OVCH1: variants seen among roughly 807,000 people sequenced by gnomAD.
OVCH1 encodes the protein ovochymase-1.
A neutral mutation model predicts 138.4 loss-of-function variants in OVCH1; 139 were observed. The observed-to-expected ratio is 1.00, with a 90% CI of 0.87 to 1.16. The LOEUF is 1.16. Ranked by LOEUF, OVCH1 falls within the 50% of genes most tolerant of loss-of-function variation. The pLI, the probability that OVCH1 is intolerant of heterozygous loss-of-function variation, is 0.00. For synonymous variants in OVCH1, 453 were observed against 467.8 expected (o/e 0.97, Z 0.41); for missense variants, 1,367 against 1,357.9 (o/e 1.01, Z -0.11).
At chr12:29,413,661 T>TACACACACAC (rs34675791) in intron 3 of OVCH1, among the ~76,000 whole-genome samples, 3,093 of 149,128 alleles carry the variant, frequency 0.021, 53 homozygotes, top group Non-Finnish European at 0.031. Flanking sequence ...CTGTGTGTAT[T>TACACACACAC]ACACACATAC....
At chr12:29,496,708 G>A (rs893077266) in intron 1 of OVCH1, 34 bp from the exon 2 acceptor site, 3 of 1,443,320 alleles carry the variant, frequency 2.1e-6, no homozygotes, top group Non-Finnish European at 1.9e-6. Context: ...TGCACACACA[G>A]AGCCTTATGT....
At chr12:29,413,464 G>A (rs1940987393) in intron 3 of OVCH1, among the ~76,000 whole-genome samples, 1 of 152,138 alleles carries the variant, frequency 6.6e-6, no homozygotes, top group Non-Finnish European at 1.5e-5. Context: ...GAGGAATGGG[G>A]AAGAATCACA....
intron 27 of OVCH1, chr12:29,427,728 A>G (rs1941202037): frequency 2.0e-6 from 3 of 1,507,474 alleles, no homozygotes; most frequent in East Asian, 5.0e-5. Flanking sequence ...GTGATAGCCT[A>G]GCTAACGGGG....
At chr12:29,458,234 G>A (rs182265345) in intron 19 of OVCH1, among the ~76,000 whole-genome samples, 38 of 151,956 alleles carry the variant, frequency 2.5e-4, no homozygotes, top group African/African-American at 8.4e-4. Flanking sequence ...ACCTGACTTC[G>A]AATTATATTA....
intron 15 of OVCH1, among the ~76,000 whole-genome samples, chr12:29,472,404 T>G (rs1942544696): frequency 6.6e-6 from 1 of 152,200 alleles, no homozygotes; most frequent in South Asian, 2.1e-4. Flanking sequence ...GTTCTTGTTC[T>G]CACTGTATGA....
chr12:29,415,590 C>T (rs939666153), intron 3 of OVCH1, among the ~76,000 whole-genome samples: 2 of 152,146 alleles, frequency 1.3e-5, no homozygotes, highest in Non-Finnish European at 2.9e-5. Flanking sequence ...CTTAGGTATA[C>T]ACTTAGCAAA....
At chr12:29,409,766 G>GA (rs1206176968), downstream of OVCH1, among the ~76,000 whole-genome samples, 7 of 152,136 alleles carry the variant, frequency 4.6e-5, no homozygotes, top group Non-Finnish European at 8.8e-5. Context: ...GTGTGGTGCT[G>GA]AAAAAAATGT....
exon 22 of OVCH1, chr12:29,451,493 T>C: frequency 6.2e-7 from 1 of 1,613,354 alleles, no homozygotes; most frequent in South Asian, 1.1e-5. Context: ...ATTCCAGTCT[T>C]CCTCTATAAT....
exon 22 of OVCH1, chr12:29,451,428 T>C (rs372346928): frequency 1.2e-5 from 20 of 1,613,336 alleles, no homozygotes; most frequent in Non-Finnish European, 1.4e-5. Context: ...GAGTGACAGA[T>C]ACTCAATGGT....
chr12:29,494,837 G>A (rs1943369859), intron 4 of OVCH1, among the ~76,000 whole-genome samples: 1 of 152,160 alleles, frequency 6.6e-6, no homozygotes, highest in Non-Finnish European at 1.5e-5. Context: ...GGAGGATGAA[G>A]TGGGGTTGAT....
Position 29,479,123 on chromosome 12 carries a change from C to T in OVCH1, c.996-215G>A, listed in dbSNP as rs187714491. On this transcript the variant is annotated intron_variant, in intron 8 of 27. Transcript: ENST00000318184. ...GCAATAGAACATTGTGAGAAAAATT[C>T]GTGCTCAAATTAATAACATTTATCT... Among the ~76,000 whole-genome samples, 900 of 152,236 alleles carry T rather than the reference C, an allele frequency of 5.9e-3. 15 individuals are homozygous for T. The highest frequency in any genetic ancestry group is 0.012 in the African/African-American group (486 of 41,554).
At chr12:29,467,941 G>A (rs878837) in intron 16 of OVCH1, among the ~76,000 whole-genome samples, 30,004 of 151,508 alleles carry the variant, frequency 0.2, 3,653 homozygotes, top group African/African-American at 0.35. Context: ...TTACACCAGC[G>A]TATGAGCACA....
At chr12:29,431,179 G>A (rs1044479367) in intron 27 of OVCH1, among the ~76,000 whole-genome samples, 2 of 152,192 alleles carry the variant, frequency 1.3e-5, no homozygotes, top group Non-Finnish European at 2.9e-5. Flanking sequence ...GTTCACGCCT[G>A]TAATTCCAGC....
At chr12:29,405,034 A>AAAAAAC in the OVCH1 span, among the ~76,000 whole-genome samples, 1 of 144,142 alleles carries the variant, frequency 6.9e-6, no homozygotes, top group African/African-American at 2.5e-5. Context: ...AAAAAAAAAA[A>AAAAAAC]AAAAAAAAAA....
At chr12:29,464,868 AG>A in intron 17 of OVCH1, 166 bp from the exon 18 acceptor site, 1 of 705,494 alleles carries the variant, frequency 1.4e-6, no homozygotes, top group Non-Finnish European at 2.3e-6. Context: ...TACAATTTGC[AG>A]GGGGCTATGA....
chr12:29,447,635 A>G (rs981104679), intron 22 of OVCH1, among the ~76,000 whole-genome samples: 1 of 152,202 alleles, frequency 6.6e-6, no homozygotes, highest in African/African-American at 2.4e-5. Flanking sequence ...AGAGAGGTCA[A>G]AGTTACTGAT....
At chr12:29,409,763 G>A (rs899789316), downstream of OVCH1, among the ~76,000 whole-genome samples, 10 of 152,132 alleles carry the variant, frequency 6.6e-5, no homozygotes, top group Admixed American at 1.3e-4. Context: ...GTGGTGTGGT[G>A]CTGAAAAAAA....
At chr12:29,472,995 TTAAA>T in intron 15 of OVCH1, 30 bp downstream of exon 15, 1 of 1,550,670 alleles carries the variant, frequency 6.4e-7, no homozygotes, top group Non-Finnish European at 8.9e-7. Flanking sequence ...AGAAACAAGA[TTAAA>T]CAGATAGTAA....
chr12:29,455,841 T>A (rs1003137308), intron 19 of OVCH1, among the ~76,000 whole-genome samples: 9 of 152,144 alleles, frequency 5.9e-5, no homozygotes, highest in African/African-American at 1.7e-4. Context: ...TTTTTTTAAA[T>A]TTTTTTAAGG....
Sources: allele counts gnomAD v4.1 joint callset (sites outside exome capture counted in the v4.1 genomes callset), GRCh38; gene constraint gnomAD v4.1.1; transcripts MANE v1.5; gene names NCBI Gene and HGNC (gene_info 2026-07-23, HGNC 2026-07-21).